Variants in CES3 observed in about 807,000 individuals in gnomAD.
CES3 encodes the protein carboxylesterase 3 (brain).
In CES3, 49 loss-of-function variants were observed where a neutral mutation model predicts 57.6. The ratio of observed to expected loss-of-function variants is 0.85; its 90% confidence interval spans 0.68 to 1.08. The LOEUF (loss-of-function observed/expected upper bound fraction) is 1.08, where lower values mean the gene tolerates loss of function less well. Ranked by LOEUF, CES3 falls within the 50% of genes least tolerant of loss-of-function variation. The pLI, the probability that CES3 is intolerant of heterozygous loss-of-function variation, is 0.00. For synonymous variants in CES3, 266 were observed against 281.6 expected (o/e 0.94, Z 0.55); for missense variants, 645 against 742.0 (o/e 0.87, Z 1.52).
At chr16:66,964,560 T>C in intron 5 of CES3, 50 bp downstream of exon 5, 1 of 1,611,682 alleles carries the variant, frequency 6.2e-7, no homozygotes, top group South Asian at 1.1e-5. Flanking sequence ...GCTCCGGTGG[T>C]CTCAGAACTC....
At position 66,972,851 on chromosome 16, in the gene CES3, C is replaced by T. The variant is rs1215088212; in HGVS notation, c.1521-3C>T. ...TTGGTCCTCATTCATTCCTCCCACC[C>T]AGGGACCCCAATAGCAAGGCTCTGC... is the stretch of plus-strand genomic sequence containing the variant. On this transcript the variant is annotated splice_polypyrimidine_tract_variant and splice_region_variant and intron_variant, in intron 12 of 12. Coordinates refer to ENST00000303334, the MANE Select transcript of CES3 (RefSeq NM_024922.6). The T allele has an allele frequency of 6.2e-7, 1 of 1,613,998 alleles. No homozygotes were observed. The highest frequency in any genetic ancestry group is 8.5e-7 in the Non-Finnish European group (1 of 1,179,918).
rs900474091 is a variant in CES3 at position 66,973,940 on chromosome 16, G to A, written c.*891G>A. The stretch of plus-strand genomic sequence containing the variant: ...TCCTGGCTTGGGGAGACCAGTTTCT[G>A]GGGAGCTTCCAAGAGCACCCACCAA... On this transcript the variant is annotated 3_prime_UTR_variant, in exon 13 of 13. Coordinates refer to ENST00000303334, the MANE Select transcript of CES3 (RefSeq NM_024922.6). 1 of 152,262 alleles carries A rather than the reference G, an allele frequency of 6.6e-6. No individual in the cohort carries two copies. The highest frequency in any genetic ancestry group is 1.9e-4 in the East Asian group (1 of 5,182). The allele number at this position is 152,262 out of a possible 1,614,324, so 9.4% of individuals were successfully genotyped here. A position where few individuals can be genotyped will look rare whatever the true frequency, so the allele number is the denominator to read the frequency against.
chr16:66,968,115 T>C (rs1345814143), intron 8 of CES3, among the ~76,000 whole-genome samples: 1 of 152,170 alleles, frequency 6.6e-6, no homozygotes, highest in Non-Finnish European at 1.5e-5. Flanking sequence ...CGTTACATTG[T>C]TCTTTCATCT....
In CES3 at chr16:66,966,343, C is replaced by A. The variant is rs766727486; in HGVS notation, c.919C>A (p.Leu307Met). The A allele has an allele frequency of 1.9e-6, 3 of 1,613,410 alleles. No individual in the cohort carries two copies. Among genetic ancestry groups the A allele is most frequent in the Non-Finnish European group, 2.5e-6 (3 of 1,179,846 alleles). Reference sequence around the variant, plus strand: ...AGAAGAGCTGGTCCTTAGCAAGAAGCTGGTATGGCCACCCTTTTGGGGATG... The same window carrying A: ...AGAAGAGCTGGTCCTTAGCAAGAAGATGGTATGGCCACCCTTTTGGGGATG... The part of the protein sequence containing the change: ...EGEELVLSKK[L>M]KNTIYPLTVD... Residue 307 changes from leucine (L) to methionine (M), a missense_variant and splice_region_variant, in exon 7 of 13, where the codon CTG (leucine) becomes ATG (methionine). By Grantham distance (15) the Leu-to-Met change is conservative. Transcript: ENST00000303334.
chr16:66,963,775 G>T lies in CES3; in HGVS notation c.427-27G>T, dbSNP rs1963689215. 6.2e-7 allele frequency: 1 copy of T among 1,609,652 alleles called. No individual in the cohort carries two copies. The highest frequency in any genetic ancestry group is 2.2e-5 in the East Asian group (1 of 44,720). On this transcript the variant is annotated intron_variant, in intron 3 of 12. Transcript: ENST00000303334. The surrounding 1 kb of genome is among the most constrained non-coding windows in gnomAD (Gnocchi z 4.9). The stretch of plus-strand genomic sequence containing the variant: ...CAGCTAAGGTCTCAGGAGCTTGGGG[G>T]TCAGTGCCCCATGGCCACCTCTGCA...
Position 66,972,764 on chromosome 16 carries a change from C to T in CES3, c.1520+18C>T, listed in dbSNP as rs763339907. On this transcript the variant is annotated intron_variant, in intron 12 of 12. Coordinates refer to ENST00000303334, the MANE Select transcript of CES3 (RefSeq NM_024922.6). ...CGGACAGGGTGAGTGAGTGACAGGG[C>T]ATAGCTCGCTTTGGGCCTGGGATGC... 1.2e-6 allele frequency: 2 copies of T among 1,614,178 alleles called. No homozygotes were observed. The highest frequency in any genetic ancestry group is 1.1e-5 in the South Asian group (1 of 91,088).
chr16:66,963,405 GGGCAAACA>G lies in CES3; in HGVS notation c.287+27_287+34del. On this transcript the variant is annotated intron_variant, in intron 2 of 12. Transcript: ENST00000303334. This position sits in a 1 kb window ranked among gnomAD's most constrained non-coding sequence, Gnocchi z 4.9. ...CAATGTGAGTAGTGCTGGTGGAGGC[GGGCAAACA>G]GGCAGGTTGCAGGAGAATCCTGCTG... The G allele has an allele frequency of 6.2e-6, 10 of 1,611,500 alleles. No individual in the cohort carries two copies. The highest frequency in any genetic ancestry group is 8.5e-6 in the Non-Finnish European group (10 of 1,178,580).
At position 66,963,968 on chromosome 16, in the gene CES3, G is replaced by T; in HGVS notation, c.560+33G>T. 1 of 1,597,978 alleles carries T rather than the reference G, an allele frequency of 6.3e-7. No individual in the cohort carries two copies. The highest frequency in any genetic ancestry group is 8.6e-7 in the Non-Finnish European group (1 of 1,167,382). ...GACAGGCATGGCCAGAGCACTGCCT[G>T]CACCGGGGAGAGGCCAGCTCACCAG... is the stretch of plus-strand genomic sequence containing the variant. On this transcript the variant is annotated intron_variant, in intron 4 of 12. Transcript: ENST00000303334. The surrounding 1 kb of genome is among the most constrained non-coding windows in gnomAD (Gnocchi z 4.9).
At chr16:66,969,159 A>T (rs1963787877) in intron 8 of CES3, among the ~76,000 whole-genome samples, 1 of 152,226 alleles carries the variant, frequency 6.6e-6, no homozygotes, top group South Asian at 2.1e-4. Flanking sequence ...TAATCCCAGC[A>T]CTTTGGGAGG....
chr16:66,973,361 G>T lies in CES3; in HGVS notation c.*312G>T. The T allele has an allele frequency of 3.4e-6, 1 of 296,184 alleles. No individual in the cohort carries two copies. Among genetic ancestry groups the T allele is most frequent in the Non-Finnish European group, 6.4e-6 (1 of 155,126 alleles). The allele number at this position is 296,184 out of a possible 1,614,324, so 18.3% of individuals were successfully genotyped here. A position where few individuals can be genotyped will look rare whatever the true frequency, so the allele number is the denominator to read the frequency against. On this transcript the variant is annotated 3_prime_UTR_variant, in exon 13 of 13. Transcript: ENST00000303334. ...AAGCCTTCCCTGCCTTCTCTGGGCT[G>T]TGCGGCCCCGAGTCTGCGTCCATTA...
rs1428192830 is a variant in CES3 at position 66,969,693 on chromosome 16, G to A, written c.1077G>A (p.Leu359=). 4 of 1,613,150 alleles carry A rather than the reference G, an allele frequency of 2.5e-6. No individual in the cohort carries two copies. The highest frequency in any genetic ancestry group is 1.1e-5 in the South Asian group (1 of 90,774). The change falls in exon 9 of 13, where the codon CTG becomes CTA. Residue 359 remains leucine (L), a synonymous_variant. Transcript: ENST00000303334. ...TGTCCACACAGGGCTGGGGTCTCCT[G>A]GATACAATGGAGCAGATGAGCCGGG... The part of the protein sequence containing the change: ...SWLIPRGWGL[L]DTMEQMSRED...
At chr16:66,965,811 G>A (rs1388435364) in intron 6 of CES3, among the ~76,000 whole-genome samples, 1 of 152,136 alleles carries the variant, frequency 6.6e-6, no homozygotes. Context: ...ATGGTGGCAG[G>A]TGCCTGTAGT....
In CES3 at chr16:66,973,129, C is replaced by T; in HGVS notation, c.*80C>T. The T allele has an allele frequency of 1.5e-6, 2 of 1,293,558 alleles. No homozygotes were observed. Among genetic ancestry groups the T allele is most frequent in the South Asian group, 2.7e-5 (2 of 74,056 alleles). 80.1% of individuals were successfully genotyped at this position (1,293,558 alleles called of 1,614,324 possible). A position where few individuals can be genotyped will look rare whatever the true frequency, so the allele number is the denominator to read the frequency against. On this transcript the variant is annotated 3_prime_UTR_variant, in exon 13 of 13. Coordinates refer to ENST00000303334, the MANE Select transcript of CES3 (RefSeq NM_024922.6). ...GTCCCAGCACGGCAGCCCGCCTCTC[C>T]CCCTGCTGAGACTTTAATCTCCACC...
Position 66,962,125 on chromosome 16 carries a change from C to T in CES3, c.82+736C>T, listed in dbSNP as rs1180278817. Among the ~76,000 whole-genome samples, 2 of 152,124 alleles carry T rather than the reference C, an allele frequency of 1.3e-5. 1 individual carries two copies. Among genetic ancestry groups the T allele is most frequent in the Admixed American group, 1.3e-4 (2 of 15,274 alleles). On this transcript the variant is annotated intron_variant, in intron 1 of 12. Transcript: ENST00000303334. ...AGGCAAGGCAGGCTAAAGAGGTTTA[C>T]GATTGGCAGCAGGCTCTGGGGAAAG...
intron 4 of CES3, 107 bp from the exon 5 acceptor site, chr16:66,964,250 T>C: frequency 6.9e-7 from 1 of 1,458,508 alleles, no homozygotes; most frequent in African/African-American, 1.4e-5. Flanking sequence ...AGGCCAGACC[T>C]GGGGAGCAGA....
In CES3 at chr16:66,973,085, C is replaced by G. The variant is rs373390760; in HGVS notation, c.*36C>G. On this transcript the variant is annotated 3_prime_UTR_variant, in exon 13 of 13. Coordinates refer to ENST00000303334, the MANE Select transcript of CES3 (RefSeq NM_024922.6). ...GAACCTTCTTGGCTGGGGCAAACCA[C>G]TCTTCAAGTGGTGGCAGAGTCCCAG... is the stretch of plus-strand genomic sequence containing the variant. 1 of 1,587,366 alleles carries G rather than the reference C, an allele frequency of 6.3e-7. No individual in the cohort carries two copies. The highest frequency in any genetic ancestry group is 1.7e-5 in the Admixed American group (1 of 58,782).
At position 66,963,947 on chromosome 16, in the gene CES3, G is replaced by C. The variant is rs1412018804; in HGVS notation, c.560+12G>C. 2.5e-6 allele frequency: 4 copies of C among 1,610,084 alleles called. No individual in the cohort carries two copies. Among genetic ancestry groups the C allele is most frequent in the Non-Finnish European group, 3.4e-6 (4 of 1,177,012 alleles). Reference sequence around the variant, plus strand: ...CTTGGCTTCTTCAGGTGAGACGACAGGCATGGCCAGAGCACTGCCTGCACC... The same window carrying C: ...CTTGGCTTCTTCAGGTGAGACGACACGCATGGCCAGAGCACTGCCTGCACC... On this transcript the variant is annotated intron_variant, in intron 4 of 12. Coordinates refer to ENST00000303334, the MANE Select transcript of CES3 (RefSeq NM_024922.6). This position sits in a 1 kb window ranked among gnomAD's most constrained non-coding sequence, Gnocchi z 4.9.
chr16:66,965,627 C>A (rs1963718809), intron 6 of CES3, among the ~76,000 whole-genome samples: 1 of 152,172 alleles, frequency 6.6e-6, no homozygotes, highest in South Asian at 2.1e-4. Context: ...CTCCCCATGG[C>A]CAGGAGAGAT....
intron 7 of CES3, 106 bp downstream of exon 7, chr16:66,966,451 C>A: frequency 2.6e-6 from 3 of 1,156,172 alleles, no homozygotes; most frequent in Non-Finnish European, 2.5e-6. Context: ...GGGCTGGGGA[C>A]AGCAGCTCAT....
Sources: gnomAD v4.1 joint callset for allele counts (sites outside exome capture counted in the v4.1 genomes callset) on GRCh38, gnomAD v4.1.1 for gene constraint, Gnocchi (gnomAD v3.1) non-coding constraint, MANE v1.5 for transcripts, NCBI Gene and HGNC (gene_info 2026-07-23, HGNC 2026-07-21) for gene names.